The following C11orf65 variants were observed in gnomAD, a reference collection of about 807,000 sequenced individuals.
The protein encoded by C11orf65 is chromosome 11 open reading frame 65.
Under a neutral mutation model 35.3 loss-of-function variants are expected in C11orf65, and 38 were observed. The ratio of observed to expected loss-of-function variants is 1.08; its 90% CI spans 0.83 to 1.41. C11orf65 has a LOEUF of 1.41. Ranked by LOEUF, C11orf65 falls within the 40% of genes most tolerant of loss-of-function variation. C11orf65 has a pLI of 0.00. For synonymous variants in C11orf65, 105 were observed against 114.4 expected, an observed-to-expected ratio of 0.92 and a Z score of 0.53; for missense variants, 370 against 367.1, an observed-to-expected ratio of 1.01 and a Z score of -0.06.
At chr11:108,364,624 T>C (rs1179081782) in intron 2 of C11orf65, among the ~76,000 whole-genome samples, 3 of 152,180 alleles carry the variant, frequency 2.0e-5, no homozygotes, top group Non-Finnish European at 4.4e-5. Flanking sequence ...GATTTGTTAC[T>C]GATAAAACTA....
intron 2 of C11orf65, among the ~76,000 whole-genome samples, chr11:108,360,771 AAATT>A (rs1360144939): frequency 9.0e-6 from 1 of 111,144 alleles, no homozygotes; most frequent in Non-Finnish European, 1.8e-5. Flanking sequence ...AACTCTCAAT[AAATT>A]AGGTATTGAT....
chr11:108,449,809 T>A (rs1429962956), intron 2 of C11orf65, among the ~76,000 whole-genome samples: 4 of 151,862 alleles, frequency 2.6e-5, no homozygotes, highest in Non-Finnish European at 5.9e-5. Flanking sequence ...ACTTAAGAGC[T>A]TCTGCACAGC....
At chr11:108,401,260 C>CA (rs1203382408) in intron 6 of C11orf65, among the ~76,000 whole-genome samples, 2 of 151,708 alleles carry the variant, frequency 1.3e-5, no homozygotes, top group African/African-American at 4.9e-5. Context: ...CAGAAACAAA[C>CA]ACACAATTCC....
chr11:108,407,157 A>G lies in C11orf65; in HGVS notation c.175-8T>C. On this transcript the variant is annotated splice_polypyrimidine_tract_variant and splice_region_variant and intron_variant, in intron 3 of 8. Coordinates refer to ENST00000393084, the MANE Select transcript of C11orf65 (RefSeq NM_152587.5). ...AGCATCTAGAAGCTCTGCCTATAAGAAAATATATTATTCTTATATATTATT... is the reference window on the plus strand; with the variant it reads ...AGCATCTAGAAGCTCTGCCTATAAGGAAATATATTATTCTTATATATTATT... The G allele has an allele frequency of 1.3e-6, 2 of 1,573,566 alleles. No individual in the cohort carries two copies. Among genetic ancestry groups the G allele is most frequent in the Non-Finnish European group, 1.7e-6 (2 of 1,151,552 alleles).
chr11:108,323,228 G>A (rs964324998), intron 6 of C11orf65, among the ~76,000 whole-genome samples: 28 of 152,120 alleles, frequency 1.8e-4, no homozygotes, highest in African/African-American at 6.8e-4. Context: ...TGGCTTAGGA[G>A]GAAAATAAAG....
chr11:108,462,470 G>A (rs1274025142), intron 1 of C11orf65: 2 of 152,206 alleles, frequency 1.3e-5, no homozygotes, highest in Admixed American at 1.3e-4. Context: ...TAGGCTTTAA[G>A]GCCTAAGGTC....
chr11:108,325,407 A>G lies in C11orf65; in HGVS notation c.641-16336T>C, dbSNP rs545873723. ...TGATTTTAGTTTTCAGGAGCCTATC[A>G]TGGCTCTACGCACAGTCATTTTGGA... is the stretch of plus-strand genomic sequence containing the variant. On this transcript the variant is annotated intron_variant, in intron 6 of 6. Coordinates refer to the C11orf65 transcript ENST00000525729. 4 of 1,613,846 alleles carry G rather than the reference A, an allele frequency of 2.5e-6. No homozygotes were observed. In the African/African-American group the frequency reaches 4.0e-5, roughly 16 times the overall value.
chr11:108,347,253 A>C (rs948138526), intron 2 of C11orf65: 1 of 1,484,956 alleles, frequency 6.7e-7, no homozygotes, highest in African/African-American at 1.4e-5. Context: ...CAGTGATTTC[A>C]GATTGTTTGT....
rs757354767 is a variant in C11orf65 at position 108,393,398 on chromosome 11, A to G, written c.561-20T>C. The G allele has an allele frequency of 1.2e-6, 2 of 1,602,628 alleles. No individual in the cohort carries two copies. The highest frequency in any genetic ancestry group is 2.2e-5 in the South Asian group (2 of 90,610). The stretch of plus-strand genomic sequence containing the variant: ...TAGTACCTAAATAGGCAAAAGGGAA[A>G]GAGAAGTAAATCTTTTGAAATAGGA... On this transcript the variant is annotated intron_variant, in intron 6 of 8. Coordinates refer to ENST00000393084, the MANE Select transcript of C11orf65 (RefSeq NM_152587.5).
intron 2 of C11orf65, chr11:108,354,733 A>G: frequency 7.4e-6 from 9 of 1,217,274 alleles, no homozygotes; most frequent in Non-Finnish European, 1.1e-5. Context: ...CATACTACAC[A>G]TGAGAGTATA....
chr11:108,435,454 T>A (rs1242910771), intron 2 of C11orf65, among the ~76,000 whole-genome samples: 1 of 152,314 alleles, frequency 6.6e-6, no homozygotes, highest in East Asian at 1.9e-4. Flanking sequence ...GGGGTGTTTT[T>A]TAGTAATACC....
At chr11:108,419,730 T>C (rs1339617023) in intron 3 of C11orf65, among the ~76,000 whole-genome samples, 2 of 152,088 alleles carry the variant, frequency 1.3e-5, no homozygotes, top group Admixed American at 1.3e-4. Context: ...ACTCTTTTAG[T>C]TCAACAGGAA....
At chr11:108,317,003 A>T (rs1030155212) in intron 6 of C11orf65, among the ~76,000 whole-genome samples, 5 of 151,466 alleles carry the variant, frequency 3.3e-5, no homozygotes, top group Non-Finnish European at 7.4e-5. Flanking sequence ...GCGTGATCAT[A>T]GTTCACTGCA....
At chr11:108,440,823 T>C (rs2093140579) in intron 2 of C11orf65, among the ~76,000 whole-genome samples, 1 of 152,096 alleles carries the variant, frequency 6.6e-6, no homozygotes. Context: ...ATAGCCTAGA[T>C]GAAAGGGAAA....
At chr11:108,380,842 C>T (rs1315116244), downstream of C11orf65, among the ~76,000 whole-genome samples, 3 of 152,138 alleles carry the variant, frequency 2.0e-5, no homozygotes, top group African/African-American at 7.2e-5. Context: ...ATGGATTTGC[C>T]TTTCTTGACT....
chr11:108,353,474 A>G (rs921973649), intron 2 of C11orf65, among the ~76,000 whole-genome samples: 1 of 152,092 alleles, frequency 6.6e-6, no homozygotes, highest in Non-Finnish European at 1.5e-5. Flanking sequence ...TAAATATATC[A>G]TCTCCATTTT....
rs558250883 is a variant in C11orf65, at chr11:108,454,504, G to A, written c.81+6975C>T. On this transcript the variant is annotated intron_variant, in intron 2 of 8. Transcript: ENST00000393084. ...GTAGAGACGAGGTTTCTCCATGTTG[G>A]TCAGTCTGGTCTTGAACTCCCGACC... Among the ~76,000 whole-genome samples, 15 of 152,086 alleles carry A rather than the reference G, an allele frequency of 9.9e-5. No individual in the cohort carries two copies. In the South Asian group the frequency reaches 3.1e-3, roughly 32 times the overall value.
intron 3 of C11orf65, chr11:108,332,932 T>C: frequency 3.1e-6 from 5 of 1,600,542 alleles, no homozygotes; most frequent in Non-Finnish European, 2.6e-6. Context: ...AACGTTACTT[T>C]CTTGCTGTGT....
intron 6 of C11orf65, chr11:108,326,010 A>G: frequency 6.3e-7 from 1 of 1,583,268 alleles, no homozygotes; most frequent in Non-Finnish European, 8.7e-7. Context: ...TCATGGTAGT[A>G]GTATCAGTAG....
Sources: allele counts gnomAD v4.1 joint callset (sites outside exome capture counted in the v4.1 genomes callset), GRCh38; gene constraint gnomAD v4.1.1; transcripts MANE v1.5; gene names NCBI Gene and HGNC (gene_info 2026-07-23, HGNC 2026-07-21).